TDRD1: variants seen among roughly 807,000 people sequenced by gnomAD.
The protein encoded by TDRD1 is tudor domain-containing protein 1.
A neutral mutation model predicts 140.6 loss-of-function variants in TDRD1; 37 were observed. The observed-to-expected ratio is 0.26, with a 90% CI of 0.20 to 0.35. TDRD1 has a LOEUF of 0.35. Among genes scored for constraint, TDRD1 ranks in the 10% least tolerant of loss-of-function variants. TDRD1 has a pLI of 1.00. For synonymous variants in TDRD1, 506 were observed against 475.7 expected (o/e 1.06, Z -0.83); for missense variants, 1,243 against 1,393.0 (o/e 0.89, Z 1.71).
rs772576349 is a variant in TDRD1, at chr10:114,201,533, T to G, written c.635+18T>G. ...CAGCCAAAGTAAGGATTTATGATCTTTTTATTCATTAAGGATTATGTAAAA... is the reference window on the plus strand; with the variant it reads ...CAGCCAAAGTAAGGATTTATGATCTGTTTATTCATTAAGGATTATGTAAAA... On this transcript the variant is annotated intron_variant, in intron 5 of 25. Transcript: ENST00000251864. 11 of 1,596,622 alleles carry G rather than the reference T, an allele frequency of 6.9e-6. No homozygotes were observed. In the East Asian group the frequency reaches 2.0e-4, roughly 29 times the overall value.
In TDRD1 at chr10:114,221,463, A is replaced by G. The variant is rs144170696; in HGVS notation, c.2877A>G (p.Pro959=). 4.5e-5 allele frequency: 73 copies of G among 1,612,670 alleles called. No individual in the cohort carries two copies. The African/African-American group carries it at 8.7e-4, about 19-fold the overall frequency. The change falls in exon 20 of 26, where the codon CCA becomes CCG. Residue 959 remains proline (P), a synonymous_variant. Transcript: ENST00000251864. ...GCCCAAACTTGTTTTATGCTCTACC[A>G]AAAGGGATGCCAGGTAAGAAACCAA...
chr10:114,228,844 G>T, intron 25 of TDRD1: 2 of 938,330 alleles, frequency 2.1e-6, no homozygotes, highest in Non-Finnish European at 2.5e-6. Context: ...AGCACTTTGG[G>T]AGGCTGAGGC....
At chr10:114,190,998 A>G (rs1466325281) in exon 3 of TDRD1, 2 of 1,614,084 alleles carry the variant, frequency 1.2e-6, no homozygotes, top group Non-Finnish European at 1.7e-6. Context: ...AAAGTAATTC[A>G]CCACCCAAAG....
intron 22 of TDRD1, 78 bp downstream of exon 22, chr10:114,226,294 G>T: frequency 1.1e-6 from 1 of 943,072 alleles, no homozygotes; most frequent in South Asian, 1.7e-5. Flanking sequence ...GCTCTAAGTC[G>T]GAATCAAATG....
At chr10:114,220,908 AT>A (rs1564692183) in intron 19 of TDRD1, 65 bp downstream of exon 19, 9 of 1,174,806 alleles carry the variant, frequency 7.7e-6, no homozygotes, top group Non-Finnish European at 8.5e-6. Context: ...ACTATGAAAA[AT>A]TTTCCATCAT....
chr10:114,207,679 C>A (rs2035214646), intron 11 of TDRD1, among the ~76,000 whole-genome samples: 1 of 151,886 alleles, frequency 6.6e-6, no homozygotes, highest in African/African-American at 2.4e-5. Flanking sequence ...AAGCTGGGGC[C>A]TGCAACATGG....
chr10:114,222,526 TATAGTGTTA>T, intron 20 of TDRD1, 52 bp from the exon 21 acceptor site: 1 of 912,410 alleles, frequency 1.1e-6, no homozygotes, highest in South Asian at 1.6e-5. Context: ...CATTCTTTTG[TATAGTGTTA>T]ATAGTAGCAC....
intron 11 of TDRD1, among the ~76,000 whole-genome samples, chr10:114,208,487 TACA>T (rs1290966673): frequency 6.6e-6 from 1 of 152,236 alleles, no homozygotes; most frequent in Non-Finnish European, 1.5e-5. Flanking sequence ...TGAAAGCCTT[TACA>T]ACTTGGTCTC....
intron 1 of TDRD1, among the ~76,000 whole-genome samples, chr10:114,184,052 T>C (rs1216967314): frequency 6.6e-6 from 1 of 152,174 alleles, no homozygotes; most frequent in South Asian, 2.1e-4. Flanking sequence ...TATATACTTA[T>C]ATATTTCTAA....
At chr10:114,217,867 A>G (rs565452056) in intron 17 of TDRD1, among the ~76,000 whole-genome samples, 2 of 152,276 alleles carry the variant, frequency 1.3e-5, no homozygotes, top group Admixed American at 6.5e-5. Context: ...ACATTATTTT[A>G]ATGCTTTTCT....
rs756194331 is a variant in TDRD1, at chr10:114,203,190, T to G, written c.801+14T>G. On this transcript the variant is annotated intron_variant, in intron 7 of 25. Coordinates refer to ENST00000251864, the Ensembl canonical transcript of TDRD1. Reference sequence around the variant, plus strand: ...ATGGAAATAAAGGTATTTGTTTTTCTTCAATCTCCATAGACACAGATCCAG... The same window carrying G: ...ATGGAAATAAAGGTATTTGTTTTTCGTCAATCTCCATAGACACAGATCCAG... The G allele has an allele frequency of 6.3e-7, 1 of 1,589,032 alleles. No homozygotes were observed.
chr10:114,198,488 T>C (rs1483979499), intron 3 of TDRD1, among the ~76,000 whole-genome samples: 2 of 152,166 alleles, frequency 1.3e-5, no homozygotes, highest in Non-Finnish European at 2.9e-5. Flanking sequence ...TTTGTAGCCT[T>C]GTGAGGGTGG....
intron 9 of TDRD1, 34 bp downstream of exon 9, chr10:114,204,250 T>C: frequency 6.4e-7 from 1 of 1,562,196 alleles, no homozygotes; most frequent in Non-Finnish European, 8.6e-7. Flanking sequence ...TTTTTAATAG[T>C]GTCCCAAAGG....
Position 114,214,388 on chromosome 10 carries a change from A to G in TDRD1, c.2212+274A>G, listed in dbSNP as rs148754800. Among the ~76,000 whole-genome samples the G allele has an allele frequency of 2.9e-3, 439 of 152,264 alleles. 1 individual carries two copies. The highest frequency in any genetic ancestry group is 9.8e-3 in the African/African-American group (407 of 41,548). ...TTTACAGAAATTAATTCGGCCTGGT[A>G]TAGTGGCTCACTCCTATAATCCTAA... On this transcript the variant is annotated intron_variant, in intron 16 of 25. Transcript: ENST00000251864.
At chr10:114,179,661 TTCTC>T (rs1259987416) in intron 1 of TDRD1, 5 of 152,262 alleles carry the variant, frequency 3.3e-5, no homozygotes, top group Admixed American at 1.3e-4. Flanking sequence ...AACGTTCACC[TTCTC>T]TCTAAGAGAA....
At chr10:114,228,595 G>A in intron 25 of TDRD1, 1 of 985,424 alleles carries the variant, frequency 1.0e-6, no homozygotes, top group Non-Finnish European at 1.2e-6. Flanking sequence ...AAAGTGGGCT[G>A]CACTGAGGGT....
exon 8 of TDRD1, chr10:114,203,468 A>G (rs768261650): frequency 2.5e-6 from 4 of 1,613,936 alleles, no homozygotes; most frequent in Admixed American, 1.7e-5. Flanking sequence ...ACATGAACCA[A>G]CTCTCTGCCA....
At chr10:114,206,413 C>A in intron 11 of TDRD1, 83 bp downstream of exon 11, 1 of 1,066,708 alleles carries the variant, frequency 9.4e-7, no homozygotes, top group Non-Finnish European at 1.4e-6. Flanking sequence ...ACAACTTTAG[C>A]ACTGTTAAGA....
At chr10:114,183,228 G>A (rs992286768) in intron 1 of TDRD1, among the ~76,000 whole-genome samples, 2 of 152,042 alleles carry the variant, frequency 1.3e-5, no homozygotes, top group African/African-American at 4.8e-5. Flanking sequence ...AAAGACTCTC[G>A]GGTGTAACAC....
Sources: gnomAD v4.1 joint callset for allele counts (sites outside exome capture counted in the v4.1 genomes callset) on GRCh38, gnomAD v4.1.1 for gene constraint, MANE v1.5 for transcripts, NCBI Gene and HGNC (gene_info 2026-07-23, HGNC 2026-07-21) for gene names.